MACF1: variants seen among roughly 807,000 people sequenced by gnomAD.
The protein encoded by MACF1 is microtubule actin crosslinking factor 1.
In MACF1, 193 loss-of-function variants were observed where a neutral mutation model predicts 854.8. The ratio of observed to expected loss-of-function variants is 0.23; its 90% CI spans 0.20 to 0.25. The LOEUF (loss-of-function observed/expected upper bound fraction) is 0.25, where lower values mean the gene tolerates loss of function less well. Among genes scored for constraint, MACF1 ranks in the 10% least tolerant of loss-of-function variants. The pLI, the probability that MACF1 is intolerant of heterozygous loss-of-function variation, is 1.00. For synonymous variants in MACF1, 3,185 were observed against 3,226.7 expected (o/e 0.99, Z 0.44); for missense variants, 7,722 against 8,929.1 (o/e 0.86, Z 5.45).
chr1:39,359,126 T>C lies in MACF1; in HGVS notation c.12121-15T>C, dbSNP rs1220304694. On this transcript the variant is annotated splice_polypyrimidine_tract_variant and intron_variant, in intron 46 of 100. Coordinates refer to ENST00000564288, the MANE Select transcript of MACF1 (RefSeq NM_001394062.1). ...ACTTAGATGTTTTTCTTTTGTTTTT[T>C]TCATGGACAAGCAGCAGTTGCAGGA... is the stretch of plus-strand genomic sequence containing the variant. The C allele has an allele frequency of 3.7e-6, 6 of 1,613,802 alleles. No individual in the cohort carries two copies. The highest frequency in any genetic ancestry group is 5.1e-6 in the Non-Finnish European group (6 of 1,179,914).
In MACF1 at chr1:39,442,919, T is replaced by G; in HGVS notation, c.19302+8T>G. 6.2e-7 allele frequency: 1 copy of G among 1,611,992 alleles called. No homozygotes were observed. The highest frequency in any genetic ancestry group is 8.5e-7 in the Non-Finnish European group (1 of 1,178,948). On this transcript the variant is annotated splice_region_variant and intron_variant, in intron 78 of 100. Transcript: ENST00000564288. ...CAGTCAACTCTGCAGCAGGTACATG[T>G]GACATCCAAGTAAGGTAGGAAGAGC...
chr1:39,414,046 G>C, intron 58 of MACF1: 4 of 1,607,080 alleles, frequency 2.5e-6, no homozygotes, highest in Non-Finnish European at 3.4e-6. Context: ...AGCAGCTGCA[G>C]TGCTCACCCC....
intron 58 of MACF1, among the ~76,000 whole-genome samples, chr1:39,420,158 T>C (rs1250011966): frequency 6.6e-6 from 1 of 152,258 alleles, no homozygotes; most frequent in Non-Finnish European, 1.5e-5. Flanking sequence ...ATGTAGCTGC[T>C]GGCTGTCATG....
In MACF1 at chr1:39,315,678, G is replaced by A. The variant is rs200785161; in HGVS notation, c.3436G>A (p.Val1146Ile). ...KMDHVYGLST[V>I]YLNKLKTVDV... ...GGACCATGTCTATGGTCTCTCTACT[G>A]TATATCTGAATAAGTGAGTGAGCTG... The change falls in exon 27 of 101, where the codon GTA becomes ATA. Residue 1146 changes from valine to isoleucine, a missense_variant. By Grantham distance (29) the Val-to-Ile change is conservative. This residue lies in a region of MACF1 where 1,137 missense variants were observed against 1,263.0 expected (regional missense o/e 0.90). Coordinates refer to ENST00000564288, the MANE Select transcript of MACF1 (RefSeq NM_001394062.1). The A allele has an allele frequency of 3.7e-5, 60 of 1,613,738 alleles. No individual in the cohort carries two copies. The highest frequency in any genetic ancestry group is 3.1e-5 in the Non-Finnish European group (36 of 1,179,908).
intron 5 of MACF1, among the ~76,000 whole-genome samples, chr1:39,256,413 A>G (rs529662824): frequency 1.3e-5 from 2 of 152,316 alleles, no homozygotes; most frequent in African/African-American, 4.8e-5. Context: ...ACCAAGATAC[A>G]GAAAAGGGAA....
intron 88 of MACF1, among the ~76,000 whole-genome samples, chr1:39,454,466 A>G (rs1644397331): frequency 6.6e-6 from 1 of 152,152 alleles, no homozygotes; most frequent in African/African-American, 2.4e-5. Context: ...CTGGGGTAAT[A>G]GTGAAGCCTC....
At chr1:39,330,802 C>CT (rs543557691) in intron 36 of MACF1, among the ~76,000 whole-genome samples, 4,811 of 139,928 alleles carry the variant, frequency 0.034, 272 homozygotes, top group African/African-American at 0.11. Context: ...TACTGTAGTA[C>CT]TTTTTTTTTT....
intron 99 of MACF1, among the ~76,000 whole-genome samples, chr1:39,481,850 C>T (rs1396901536): frequency 2.0e-5 from 3 of 152,096 alleles, no homozygotes; most frequent in Non-Finnish European, 4.4e-5. Flanking sequence ...AAGGGATGCA[C>T]AAGAAGTCAA....
chr1:39,363,928 G>C (rs1648442801), intron 49 of MACF1, among the ~76,000 whole-genome samples: 1 of 152,030 alleles, frequency 6.6e-6, no homozygotes, highest in Admixed American at 6.6e-5. Context: ...ACTCATACGT[G>C]GTGGAAATTT....
At position 39,479,855 on chromosome 1, in the gene MACF1, C is replaced by T. The variant is rs1341357696; in HGVS notation, c.22016C>T (p.Ser7339Phe). Residue 7339 changes from serine to phenylalanine, a missense_variant, in exon 98 of 101, where the codon TCC becomes TTC. Around this residue, in one of 15 missense-constraint regions of MACF1, gnomAD observed 153 missense variants for 342.5 expected, o/e 0.45. Transcript: ENST00000564288. ...AAATTCATCCTACCAGAGGGAGCAT[C>T]CCAGGGAATGACCCCCTTCCGCTCA... Reference protein sequence around the residue: ...REKFILPEGASQGMTPFRSRG... With the variant: ...REKFILPEGAFQGMTPFRSRG... 6.2e-7 allele frequency: 1 copy of T among 1,614,242 alleles called. No individual in the cohort carries two copies.
At chr1:39,132,982 C>T (rs1279229691) in intron 2 of MACF1, among the ~76,000 whole-genome samples, 2 of 152,216 alleles carry the variant, frequency 1.3e-5, no homozygotes, top group Admixed American at 6.5e-5. Flanking sequence ...TGGAGCTCTG[C>T]ATGCTGTGGA....
At chr1:39,119,317 C>CA (rs745686071) in intron 2 of MACF1, among the ~76,000 whole-genome samples, 11,177 of 84,468 alleles carry the variant, frequency 0.13, 764 homozygotes, top group Non-Finnish European at 0.16. Context: ...AACTCCGTCT[C>CA]AAAAAAAAAA....
In MACF1 at chr1:39,387,875, G is replaced by T. The variant is rs768487164; in HGVS notation, c.15033G>T (p.Arg5011Ser). ...GGTCACTCGAAGAAATGACTCAGAGGCTCAGGGAGTTCCAGGAAAGCTTTA... is the reference window on the plus strand; with the variant it reads ...GGTCACTCGAAGAAATGACTCAGAGTCTCAGGGAGTTCCAGGAAAGCTTTA... ...KTGSLEEMTQ[R>S]LREFQESFKN... Residue 5011 changes from arginine (R) to serine (S), a missense_variant, in exon 58 of 101, where the codon AGG becomes AGT. By Grantham distance (110) the Arg-to-Ser change is moderately radical (BLOSUM62 -1). Coordinates refer to ENST00000564288, the MANE Select transcript of MACF1 (RefSeq NM_001394062.1). 5 of 1,614,048 alleles carry T rather than the reference G, an allele frequency of 3.1e-6. No homozygotes were observed. The highest frequency in any genetic ancestry group is 8.5e-7 in the Non-Finnish European group (1 of 1,180,012).
rs992074624 is a variant in MACF1 at position 39,105,910 on chromosome 1, C to G, written c.220+21472C>G. Among the ~76,000 whole-genome samples, 3 of 152,188 alleles carry G rather than the reference C, an allele frequency of 2.0e-5. No individual in the cohort carries two copies. The highest frequency in any genetic ancestry group is 7.2e-5 in the African/African-American group (3 of 41,462). On this transcript the variant is annotated intron_variant, in intron 2 of 93. Transcript: ENST00000361689. The surrounding 1 kb of genome is among the most constrained non-coding windows in gnomAD (Gnocchi z 5.9). ...GAGATAAGCCTTCGGAAACCGCCCC[C>G]GGGGCAGTCGGCGCGCTCAGAGCGC... is the stretch of plus-strand genomic sequence containing the variant.
rs1385225768 is a variant in MACF1 at position 39,134,790 on chromosome 1, AAT to A, written c.220+50356_220+50357del. 2.6e-5 allele frequency among the ~76,000 whole-genome samples: 4 copies of A among 152,336 alleles called. No homozygotes were observed. The East Asian group carries it at 7.7e-4, about 29-fold the overall frequency. On this transcript the variant is annotated intron_variant, in intron 2 of 93. Transcript: ENST00000361689. ...TGATTTTTTTATGATAAAATACACT[AAT>A]ATAACATTTAGCATTTTAGCCATCT...
intron 58 of MACF1, chr1:39,411,810 A>G: frequency 6.2e-7 from 1 of 1,613,966 alleles, no homozygotes; most frequent in Non-Finnish European, 8.5e-7. Flanking sequence ...GGGCTGCCTT[A>G]GAAAAGGAAC....
chr1:39,112,542 G>C (rs1014037994), intron 2 of MACF1, among the ~76,000 whole-genome samples: 1 of 152,114 alleles, frequency 6.6e-6, no homozygotes, highest in Non-Finnish European at 1.5e-5. Context: ...GTCAGGCATG[G>C]TGGTGCAATC....
At chr1:39,356,247 A>G (rs750808963) in intron 44 of MACF1, among the ~76,000 whole-genome samples, 1 of 152,234 alleles carries the variant, frequency 6.6e-6, no homozygotes, top group Non-Finnish European at 1.5e-5. Context: ...AATAAAAAGT[A>G]CAAATTACTT....
rs6671001 is a variant in MACF1, at chr1:39,453,944, C to T, written c.20886+94C>T. 6.9e-3 allele frequency: 9,806 copies of T among 1,428,630 alleles called. 470 individuals are homozygous for T. The African/African-American group carries it at 0.11, about 16-fold the overall frequency. The allele number at this position is 1,428,630 out of a possible 1,614,324, so 88.5% of individuals were successfully genotyped here. A position where few individuals can be genotyped will look rare whatever the true frequency, so the allele number is the denominator to read the frequency against. On this transcript the variant is annotated intron_variant, in intron 88 of 100. Transcript: ENST00000564288. ...TTTCCCCCAGGTAAGGAATCTTTCA[C>T]TCACTGTGAATAACTCAGCAAAAAT... is the stretch of plus-strand genomic sequence containing the variant.
Sources: allele counts gnomAD v4.1 joint callset (sites outside exome capture counted in the v4.1 genomes callset), GRCh38; gene constraint gnomAD v4.1.1; regional missense constraint gnomAD v4.1.1; non-coding constraint Gnocchi (gnomAD v3.1); transcripts MANE v1.5; gene names NCBI Gene and HGNC (gene_info 2026-07-23, HGNC 2026-07-21).